ULK4: variants seen among roughly 807,000 people sequenced by gnomAD.
ULK4 encodes inactive serine/threonine-protein kinase ULK4.
Under a neutral mutation model 160.6 loss-of-function variants are expected in ULK4, and 133 were observed. That is an observed-to-expected ratio of 0.83 (90% CI 0.72 to 0.96). The LOEUF (loss-of-function observed/expected upper bound fraction) is 0.96. ULK4 is among the 40% of genes least tolerant of loss of function. The probability of loss-of-function intolerance (pLI) is 0.00; values close to 1 mark genes in which losing one functional copy is unlikely to be tolerated. For missense variants in ULK4, 1,580 were observed against 1,499.5 expected (o/e 1.05, Z -0.89); for synonymous variants, 534 against 539.8 (o/e 0.99, Z 0.15).
At chr3:41,827,632 G>C (rs1240468787) in intron 18 of ULK4, among the ~76,000 whole-genome samples, 2 of 152,066 alleles carry the variant, frequency 1.3e-5, no homozygotes, top group Non-Finnish European at 2.9e-5. Context: ...ACCAATAACA[G>C]GATCTGAAAT....
chr3:41,588,099 C>T (rs2030966387), intron 31 of ULK4, among the ~76,000 whole-genome samples: 1 of 152,134 alleles, frequency 6.6e-6, no homozygotes, highest in African/African-American at 2.4e-5. Context: ...AGACAGGCTT[C>T]AGGATGCCAG....
intron 35 of ULK4, among the ~76,000 whole-genome samples, chr3:41,314,980 T>A (rs1001658604): frequency 3.2e-4 from 48 of 152,198 alleles, no homozygotes; most frequent in African/African-American, 1.1e-3. Context: ...GTATTTACTA[T>A]ATTGAAAATT....
intron 31 of ULK4, among the ~76,000 whole-genome samples, chr3:41,569,068 G>A (rs1263260852): frequency 6.6e-6 from 1 of 152,170 alleles, no homozygotes; most frequent in African/African-American, 2.4e-5. Flanking sequence ...AGGTATGGGG[G>A]AAGAACTGTG....
rs192447427 is a variant in ULK4, at chr3:41,579,787, C to T, written c.3121-13657G>A. 1.7e-3 allele frequency among the ~76,000 whole-genome samples: 253 copies of T among 152,228 alleles called. 1 individual carries two copies. Among genetic ancestry groups the T allele is most frequent in the Middle Eastern group, 6.8e-3 (2 of 294 alleles). ...GATTACAGGCGTGAGCCACCGCGCC[C>T]GGCCTGGAACTAATATTTTTTGCTA... On this transcript the variant is annotated intron_variant, in intron 31 of 36. Coordinates refer to ENST00000301831, the MANE Select transcript of ULK4 (RefSeq NM_017886.4).
chr3:41,808,574 A>G (rs1021057469), intron 19 of ULK4, among the ~76,000 whole-genome samples: 6 of 152,246 alleles, frequency 3.9e-5, no homozygotes, highest in Admixed American at 3.9e-4. Flanking sequence ...TATTGCTTAA[A>G]TCAAAGACCT....
chr3:41,693,955 G>A (rs778624511), intron 27 of ULK4, among the ~76,000 whole-genome samples: 2 of 152,226 alleles, frequency 1.3e-5, no homozygotes, highest in African/African-American at 2.4e-5. Flanking sequence ...TATGAACACA[G>A]TATTGACTAT....
At chr3:41,821,798 C>T (rs1345354186) in intron 18 of ULK4, among the ~76,000 whole-genome samples, 1 of 152,028 alleles carries the variant, frequency 6.6e-6, no homozygotes, top group Non-Finnish European at 1.5e-5. Flanking sequence ...CTCGCCCACT[C>T]CAATATGACG....
intron 32 of ULK4, among the ~76,000 whole-genome samples, chr3:41,480,932 T>C (rs190021655): frequency 2.6e-5 from 4 of 152,298 alleles, no homozygotes; most frequent in Non-Finnish European, 5.9e-5. Flanking sequence ...ACTGTCCCCA[T>C]GATTCAATTA....
chr3:41,637,492 G>C (rs575552721), intron 30 of ULK4, among the ~76,000 whole-genome samples: 1 of 152,306 alleles, frequency 6.6e-6, no homozygotes, highest in South Asian at 2.1e-4. Context: ...GAATAATGCT[G>C]AAATGAACAT....
chr3:41,420,997 G>A (rs1327257336), intron 34 of ULK4, among the ~76,000 whole-genome samples: 7 of 151,674 alleles, frequency 4.6e-5, no homozygotes, highest in Non-Finnish European at 7.4e-5. Flanking sequence ...GGCTGTAGTC[G>A]CAGCTATTTG....
chr3:41,857,359 G>T (rs1322661076), intron 17 of ULK4, among the ~76,000 whole-genome samples: 1 of 152,090 alleles, frequency 6.6e-6, no homozygotes, highest in African/African-American at 2.4e-5. Context: ...TTTTGTTGAG[G>T]ATTTCTGCAT....
chr3:41,645,569 A>G (rs1478165549), intron 30 of ULK4, among the ~76,000 whole-genome samples: 1 of 151,906 alleles, frequency 6.6e-6, no homozygotes, highest in Non-Finnish European at 1.5e-5. Flanking sequence ...GTTTGTTATA[A>G]TTTCTGTTCT....
At chr3:41,529,336 C>T (rs74376288) in intron 32 of ULK4, among the ~76,000 whole-genome samples, 5 of 152,160 alleles carry the variant, frequency 3.3e-5, no homozygotes, top group Non-Finnish European at 4.4e-5. Flanking sequence ...TCAGTCAAAC[C>T]TTCATGTAGA....
intron 34 of ULK4, among the ~76,000 whole-genome samples, chr3:41,442,467 C>T (rs958607154): frequency 1.3e-5 from 2 of 152,058 alleles, no homozygotes; most frequent in Admixed American, 1.3e-4. Flanking sequence ...AGAAGTAGTC[C>T]TCACTTTGCA....
At position 41,794,434 on chromosome 3, in the gene ULK4, C is replaced by T. The variant is rs956728426; in HGVS notation, c.2011-4591G>A. ...TAATCCTGGCACTTTGGGAGGCAGA[C>T]GTGGGTGGATCACATGGTCAGGAGT... On this transcript the variant is annotated intron_variant, in intron 20 of 36. Coordinates refer to ENST00000301831, the MANE Select transcript of ULK4 (RefSeq NM_017886.4). Among the ~76,000 whole-genome samples the T allele has an allele frequency of 3.3e-5, 5 of 151,876 alleles. No individual in the cohort carries two copies. In the South Asian group the frequency reaches 6.2e-4, roughly 19 times the overall value.
At chr3:41,273,677 G>C (rs983745338) in intron 35 of ULK4, among the ~76,000 whole-genome samples, 2 of 152,154 alleles carry the variant, frequency 1.3e-5, no homozygotes, top group African/African-American at 4.8e-5. Flanking sequence ...TTGATTGCTA[G>C]AGTGGGGGTG....
intron 11 of ULK4, among the ~76,000 whole-genome samples, chr3:41,909,624 A>T (rs931464315): frequency 6.6e-6 from 1 of 151,996 alleles, no homozygotes; most frequent in African/African-American, 2.4e-5. Flanking sequence ...CTGAGACATG[A>T]GAATCGCTTG....
rs895010774 is a variant in ULK4 at position 41,774,927 on chromosome 3, A to G, written c.2193+14734T>C. On this transcript the variant is annotated intron_variant, in intron 21 of 36. Coordinates refer to ENST00000301831, the MANE Select transcript of ULK4 (RefSeq NM_017886.4). ...ATGAGTTCATGTCCTTTGTAGGGAC[A>G]TGGATGAAGCTGGAAACCATCATTC... 6.0e-4 allele frequency among the ~76,000 whole-genome samples: 90 copies of G among 150,650 alleles called. No individual in the cohort carries two copies. The Middle Eastern group carries it at 0.014, about 23-fold the overall frequency.
chr3:41,805,579 C>T (rs1346268367), intron 19 of ULK4, among the ~76,000 whole-genome samples: 8 of 151,260 alleles, frequency 5.3e-5, no homozygotes, highest in East Asian at 1.9e-4. Context: ...AAAGGGAATG[C>T]TTCCAGTTTT....
Sources: gnomAD v4.1 joint callset for allele counts (sites outside exome capture counted in the v4.1 genomes callset) on GRCh38, gnomAD v4.1.1 for gene constraint, MANE v1.5 for transcripts, NCBI Gene and HGNC (gene_info 2026-07-23, HGNC 2026-07-21) for gene names.